Variants in SCUBE2 observed in about 807,000 individuals in gnomAD.
SCUBE2 encodes signal peptide, CUB and EGF-like domain-containing protein 2.
SCUBE2 carries 114 observed loss-of-function variants against 125.9 expected under a neutral mutation model. That is an observed-to-expected ratio of 0.91 (90% CI 0.78 to 1.06). SCUBE2 has a LOEUF of 1.06. Among genes scored for constraint, SCUBE2 ranks in the 50% least tolerant of loss-of-function variants. The pLI is 0.00. For missense variants in SCUBE2, 1,255 were observed against 1,301.8 expected, an observed-to-expected ratio of 0.96 and a Z score of 0.55; for synonymous variants, 459 against 492.9, an observed-to-expected ratio of 0.93 and a Z score of 0.91.
intron 2 of SCUBE2, among the ~76,000 whole-genome samples, chr11:9,083,907 T>C (rs1861858487): frequency 6.6e-6 from 1 of 152,168 alleles, no homozygotes; most frequent in South Asian, 2.1e-4. Flanking sequence ...TTTTAATATA[T>C]ATACAGATGA....
intron 16 of SCUBE2, among the ~76,000 whole-genome samples, chr11:9,041,949 T>C (rs1263110278): frequency 1.3e-5 from 2 of 152,114 alleles, no homozygotes; most frequent in African/African-American, 4.8e-5. Flanking sequence ...AGGCTCCAGC[T>C]TGAGTGCAAG....
chr11:9,067,168 C>T (rs1265165483), intron 5 of SCUBE2, among the ~76,000 whole-genome samples: 1 of 152,114 alleles, frequency 6.6e-6, no homozygotes, highest in African/African-American at 2.4e-5. Context: ...TACAGCTGTA[C>T]TGGGGCTTTG....
intron 2 of SCUBE2, among the ~76,000 whole-genome samples, chr11:9,080,255 CTT>C (rs1046238286): frequency 5.3e-5 from 8 of 152,174 alleles, no homozygotes; most frequent in African/African-American, 1.7e-4. Flanking sequence ...AAAAAGATGA[CTT>C]TAGATCCTTA....
intron 16 of SCUBE2, 52 bp downstream of exon 16, chr11:9,047,304 G>A: frequency 6.3e-7 from 1 of 1,593,774 alleles, no homozygotes. Flanking sequence ...TACCCTGAGT[G>A]TTTATGGAGC....
At chr11:9,078,945 T>C (rs1413557901) in intron 3 of SCUBE2, among the ~76,000 whole-genome samples, 3 of 152,238 alleles carry the variant, frequency 2.0e-5, no homozygotes, top group Non-Finnish European at 4.4e-5. Flanking sequence ...GATTTCTGTT[T>C]TAGTTTCTCT....
At chr11:9,033,498 GC>G (rs1314583460) in intron 17 of SCUBE2, 127 bp downstream of exon 17, 1 of 1,049,682 alleles carries the variant, frequency 9.5e-7, no homozygotes, top group Non-Finnish European at 1.4e-6. Context: ...GATGAATCGA[GC>G]CAACGTGGTC....
At chr11:9,072,135 T>C (rs1432432767) in intron 4 of SCUBE2, among the ~76,000 whole-genome samples, 1 of 152,224 alleles carries the variant, frequency 6.6e-6, no homozygotes, top group Non-Finnish European at 1.5e-5. Flanking sequence ...TAGAAAATAC[T>C]AGCTTCCTGT....
intron 16 of SCUBE2, among the ~76,000 whole-genome samples, chr11:9,035,965 C>T (rs372209356): frequency 2.6e-5 from 4 of 152,126 alleles, no homozygotes; most frequent in African/African-American, 7.2e-5. Context: ...CTCAGCTCAT[C>T]GCAACCTCCG....
chr11:9,061,558 C>CAAGAA (rs1189995904), intron 7 of SCUBE2, among the ~76,000 whole-genome samples: 7 of 106,122 alleles, frequency 6.6e-5, no homozygotes, highest in Admixed American at 6.1e-4. Flanking sequence ...GACCCTGTCT[C>CAAGAA]AAGAAAAGAA....
chr11:9,081,171 C>G (rs1861611547), intron 2 of SCUBE2, among the ~76,000 whole-genome samples: 1 of 152,158 alleles, frequency 6.6e-6, no homozygotes, highest in Non-Finnish European at 1.5e-5. Flanking sequence ...AACGGCATAG[C>G]CACTTTGGAC....
Position 9,050,606 on chromosome 11 carries a change from C to G in SCUBE2, c.1639G>C (p.Glu547Gln). ...CTACACCAACCACCTGATTCCATAC[C>G]TGGTAGTGCTGGTCGCAGACCCTCG... ...FPEGLRPALP[E>Q]KHSSVKESFR... Residue 547 changes from glutamate (E) to glutamine (Q), a missense_variant and splice_region_variant, in exon 14 of 23, where the codon GAG becomes CAG. Physicochemically the swap from Glu to Gln is conservative, Grantham distance 29. This residue lies in a region of SCUBE2 where 378 missense variants were observed against 463.1 expected (regional missense o/e 0.82). Transcript: ENST00000649792. 6.2e-7 allele frequency: 1 copy of G among 1,611,848 alleles called. No homozygotes were observed. The highest frequency in any genetic ancestry group is 1.1e-5 in the South Asian group (1 of 91,054).
intron 2 of SCUBE2, among the ~76,000 whole-genome samples, chr11:9,087,960 A>C (rs1341563780): frequency 6.6e-6 from 1 of 152,220 alleles, no homozygotes; most frequent in Admixed American, 6.5e-5. Context: ...TTGTTGGAAA[A>C]GACTTTGTGT....
At chr11:9,024,259 C>T in intron 21 of SCUBE2, 4 of 1,065,490 alleles carry the variant, frequency 3.8e-6, no homozygotes, top group East Asian at 7.8e-5. Context: ...TGCTTTCTTC[C>T]TGATTCCAGA....
chr11:9,055,522 C>T (rs930548383), intron 10 of SCUBE2, among the ~76,000 whole-genome samples: 6 of 152,306 alleles, frequency 3.9e-5, no homozygotes, highest in Non-Finnish European at 8.8e-5. Flanking sequence ...AATACAGCCG[C>T]AAGTCAATCA....
chr11:9,060,339 CAT>C, intron 8 of SCUBE2, 67 bp downstream of exon 8: 1 of 1,204,652 alleles, frequency 8.3e-7, no homozygotes, highest in Non-Finnish European at 1.2e-6. Context: ...CCTTTATCCC[CAT>C]ATGTTAGCGG....
In SCUBE2 at chr11:9,058,585, G is replaced by A. The variant is rs1380754243; in HGVS notation, c.1090+718C>T. On this transcript the variant is annotated intron_variant, in intron 9 of 22. Coordinates refer to ENST00000649792, the MANE Select transcript of SCUBE2 (RefSeq NM_001367977.2). ...CACTCCAGCCTGGGTGACAGAGCGA[G>A]ACTCTGTCTCAAAAAAAAAAAAAAA... 9.2e-5 allele frequency among the ~76,000 whole-genome samples: 10 copies of A among 109,276 alleles called. No individual in the cohort carries two copies. In the Admixed American group the frequency reaches 1.0e-3, roughly 11 times the overall value. The allele number at this position is 109,276 out of a possible 152,430, so 71.7% of individuals were successfully genotyped here.
chr11:9,052,933 G>T, intron 12 of SCUBE2, 101 bp from the exon 13 acceptor site: 1 of 1,081,488 alleles, frequency 9.2e-7, no homozygotes, highest in Non-Finnish European at 1.3e-6. Flanking sequence ...TGGGCCACTA[G>T]AAAAATGCCC....
In SCUBE2 at chr11:9,089,803, C is replaced by G. The variant is rs1427441035; in HGVS notation, c.160G>C (p.Asp54His). The change falls in exon 2 of 23, where the codon GAT becomes CAT. Residue 54 changes from aspartate to histidine, a missense_variant. Coordinates refer to ENST00000649792, the MANE Select transcript of SCUBE2 (RefSeq NM_001367977.2). The part of the protein sequence containing the change: ...EDVDECAQGL[D>H]DCHADALCQN... ...CACAGGGCGTCGGCATGGCAGTCATCTAGCCCTTGGGCACACTCATCTACA... is the reference window on the plus strand; with the variant it reads ...CACAGGGCGTCGGCATGGCAGTCATGTAGCCCTTGGGCACACTCATCTACA... 1 of 1,613,974 alleles carries G rather than the reference C, an allele frequency of 6.2e-7. No individual in the cohort carries two copies. Among genetic ancestry groups the G allele is most frequent in the South Asian group, 1.1e-5 (1 of 91,062 alleles).
intron 2 of SCUBE2, among the ~76,000 whole-genome samples, 162 bp downstream of exon 2, chr11:9,089,545 T>A (rs1032455803): frequency 2.0e-5 from 3 of 152,094 alleles, no homozygotes; most frequent in African/African-American, 7.2e-5. Flanking sequence ...ATGTTTCCAG[T>A]CCAAGATCTG....
Sources: allele counts gnomAD v4.1 joint callset (sites outside exome capture counted in the v4.1 genomes callset), GRCh38; gene constraint gnomAD v4.1.1; regional missense constraint gnomAD v4.1.1; transcripts MANE v1.5; gene names NCBI Gene and HGNC (gene_info 2026-07-23, HGNC 2026-07-21).